Variants in ZNF385B observed in about 807,000 individuals in gnomAD.
The protein encoded by ZNF385B is zinc finger protein 533.
In ZNF385B, 23 loss-of-function variants were observed where a neutral mutation model predicts 39.2. That is an observed-to-expected ratio of 0.59 (90% CI 0.42 to 0.83). The LOEUF (loss-of-function observed/expected upper bound fraction) is 0.83, where lower values mean the gene tolerates loss of function less well. ZNF385B is among the 40% of genes least tolerant of loss of function. The pLI, the probability that ZNF385B is intolerant of heterozygous loss-of-function variation, is 0.00. For synonymous variants in ZNF385B, 205 were observed against 222.6 expected, an observed-to-expected ratio of 0.92 and a Z score of 0.70; for missense variants, 552 against 598.9, an observed-to-expected ratio of 0.92 and a Z score of 0.82.
chr2:179,595,520 G>A, intron 3 of ZNF385B, among the ~76,000 whole-genome samples: 1 of 152,082 alleles, frequency 6.6e-6, no homozygotes, highest in East Asian at 1.9e-4. Context: ...TCCTAATGGT[G>A]GCAGCAGCTG....
intron 3 of ZNF385B, among the ~76,000 whole-genome samples, chr2:179,754,225 T>C (rs1055439977): frequency 6.6e-6 from 1 of 152,344 alleles, no homozygotes; most frequent in East Asian, 1.9e-4. Flanking sequence ...GTTTATATGC[T>C]GTATTACATT....
chr2:179,829,619 C>T (rs556554007), intron 1 of ZNF385B, among the ~76,000 whole-genome samples: 25 of 152,088 alleles, frequency 1.6e-4, no homozygotes, highest in African/African-American at 9.6e-5. Flanking sequence ...GTTCAGGCCA[C>T]TCTCCTGCCT....
chr2:179,618,467 TTGAC>T (rs1487018562), intron 3 of ZNF385B, among the ~76,000 whole-genome samples: 15 of 152,314 alleles, frequency 9.8e-5, no homozygotes, highest in African/African-American at 3.4e-4. Context: ...TCTAGAAACT[TTGAC>T]TGCTACAAAT....
chr2:179,747,582 T>C (rs1486134359), intron 3 of ZNF385B, among the ~76,000 whole-genome samples: 6 of 152,142 alleles, frequency 3.9e-5, no homozygotes, highest in Non-Finnish European at 8.8e-5. Flanking sequence ...ATAGGAATAG[T>C]TCATGAGAGA....
At chr2:179,673,641 C>T (rs950041442) in intron 3 of ZNF385B, among the ~76,000 whole-genome samples, 3 of 152,172 alleles carry the variant, frequency 2.0e-5, no homozygotes, top group Non-Finnish European at 4.4e-5. Context: ...CTTCACTTGA[C>T]TTTCCTCTTC....
At chr2:179,611,213 CTT>C (rs1261185160) in intron 3 of ZNF385B, among the ~76,000 whole-genome samples, 1 of 152,120 alleles carries the variant, frequency 6.6e-6, no homozygotes, top group Non-Finnish European at 1.5e-5. Flanking sequence ...GAAGTATACT[CTT>C]TTCATATCCA....
chr2:179,535,684 A>C (rs2105875958), intron 4 of ZNF385B, among the ~76,000 whole-genome samples: 1 of 152,368 alleles, frequency 6.6e-6, no homozygotes, highest in East Asian at 1.9e-4. Context: ...GTGTCTTTCA[A>C]AAATTTCAAG....
At chr2:179,735,725 C>T (rs1701703048) in intron 3 of ZNF385B, among the ~76,000 whole-genome samples, 1 of 150,850 alleles carries the variant, frequency 6.6e-6, no homozygotes, top group Admixed American at 6.6e-5. Flanking sequence ...AGTTCATGTC[C>T]TTTGTAGGGA....
At chr2:179,522,922 T>TA (rs1271286887) in intron 4 of ZNF385B, 2 of 437,578 alleles carry the variant, frequency 4.6e-6, no homozygotes, top group Admixed American at 2.6e-5. Flanking sequence ...TCTTCTTTTC[T>TA]AAAAAAGTAA....
intron 3 of ZNF385B, among the ~76,000 whole-genome samples, chr2:179,605,772 A>G (rs1688752042): frequency 6.6e-6 from 1 of 152,184 alleles, no homozygotes; most frequent in South Asian, 2.1e-4. Flanking sequence ...TAAGTATGGT[A>G]TCTCAAGTGA....
At chr2:179,630,885 A>G (rs1262454736) in intron 3 of ZNF385B, among the ~76,000 whole-genome samples, 2 of 152,234 alleles carry the variant, frequency 1.3e-5, no homozygotes, top group South Asian at 2.1e-4. Flanking sequence ...ACAAGCTTCA[A>G]TAGCTGATTT....
At chr2:179,613,454 G>A (rs1341200141) in intron 3 of ZNF385B, among the ~76,000 whole-genome samples, 1 of 152,090 alleles carries the variant, frequency 6.6e-6, no homozygotes. Flanking sequence ...GGGCCCAAGG[G>A]CTCTTTAGTC....
intron 3 of ZNF385B, among the ~76,000 whole-genome samples, chr2:179,720,153 A>C (rs1402128734): frequency 6.6e-6 from 1 of 152,168 alleles, no homozygotes; most frequent in Non-Finnish European, 1.5e-5. Flanking sequence ...AAACAGATTT[A>C]GGCTCAATAA....
intron 3 of ZNF385B, among the ~76,000 whole-genome samples, chr2:179,613,778 C>G (rs1031450232): frequency 3.9e-5 from 6 of 152,012 alleles, no homozygotes; most frequent in African/African-American, 9.7e-5. Flanking sequence ...TCACTAGCAC[C>G]AGGACTTGCC....
intron 3 of ZNF385B, among the ~76,000 whole-genome samples, chr2:179,687,862 G>C (rs1011871151): frequency 6.6e-6 from 1 of 152,162 alleles, no homozygotes; most frequent in African/African-American, 2.4e-5. Flanking sequence ...GAAAGTATTT[G>C]TTCAATTACT....
chr2:179,760,625 T>C (rs1703325762), intron 3 of ZNF385B, among the ~76,000 whole-genome samples: 1 of 152,148 alleles, frequency 6.6e-6, no homozygotes, highest in Admixed American at 6.5e-5. Flanking sequence ...CTATCTTTTT[T>C]ACAAAAAGGC....
At chr2:179,759,725 G>A (rs992155733) in intron 3 of ZNF385B, among the ~76,000 whole-genome samples, 2 of 152,016 alleles carry the variant, frequency 1.3e-5, no homozygotes, top group East Asian at 1.9e-4. Flanking sequence ...CCACATCTAC[G>A]TTACATGTAG....
chr2:179,836,940 C>G (rs1403962971), intron 1 of ZNF385B, among the ~76,000 whole-genome samples: 1 of 152,174 alleles, frequency 6.6e-6, no homozygotes, highest in African/African-American at 2.4e-5. Context: ...CCCAGCACCC[C>G]AGTCACCAGC....
At chr2:179,736,596 G>A (rs533055163) in intron 3 of ZNF385B, among the ~76,000 whole-genome samples, 1 of 152,264 alleles carries the variant, frequency 6.6e-6, no homozygotes, top group African/African-American at 2.4e-5. Context: ...TCATTGACTG[G>A]TAAAGCTACT....
Sources: gnomAD v4.1 joint callset for allele counts (sites outside exome capture counted in the v4.1 genomes callset) on GRCh38, gnomAD v4.1.1 for gene constraint, MANE v1.5 for transcripts, NCBI Gene and HGNC (gene_info 2026-07-23, HGNC 2026-07-21) for gene names.